Variants in ZNF565 observed in about 807,000 individuals in gnomAD.
ZNF565 encodes the protein zinc finger protein 565.
Under a neutral mutation model 39.4 loss-of-function variants are expected in ZNF565, and 27 were observed. That is an observed-to-expected ratio of 0.69 (90% CI 0.51 to 0.95). The LOEUF (loss-of-function observed/expected upper bound fraction) is 0.95. Among genes scored for constraint, ZNF565 ranks in the 40% least tolerant of loss-of-function variants. The pLI, the probability that ZNF565 is intolerant of heterozygous loss-of-function variation, is 0.00. For synonymous variants in ZNF565, 185 were observed against 216.6 expected (o/e 0.85, Z 1.28); for missense variants, 524 against 621.1 (o/e 0.84, Z 1.66).
rs1429544707 is a variant in ZNF565 at position 36,245,016 on chromosome 19, T to C, written c.55+460A>G. Reference sequence around the variant, plus strand: ...TTTTCATTGTTGTGTTTTGTTTTCTTGAATCCCTACTGTTCAGTGGCTAGG... The same window carrying C: ...TTTTCATTGTTGTGTTTTGTTTTCTCGAATCCCTACTGTTCAGTGGCTAGG... On this transcript the variant is annotated intron_variant, in intron 1 of 4. Transcript: ENST00000355114. The surrounding 1 kb of genome is among the most constrained non-coding windows in gnomAD (Gnocchi z 4.4). 6.6e-6 allele frequency among the ~76,000 whole-genome samples: 1 copy of C among 152,198 alleles called. No homozygotes were observed. The highest frequency in any genetic ancestry group is 1.9e-4 in the East Asian group (1 of 5,198).
At chr19:36,216,867 A>ATCCCAGCACTTCAGGTG (rs143459636), upstream of ZNF565, among the ~76,000 whole-genome samples, 1 of 150,794 alleles carries the variant, frequency 6.6e-6, no homozygotes, top group Non-Finnish European at 1.5e-5. Context: ...CACACCTGTG[A>ATCCCAGCACTTCAGGTG]GCCAAGGCAG....
chr19:36,190,576 C>CA (rs899072480), intron 4 of ZNF565, among the ~76,000 whole-genome samples: 2,314 of 97,262 alleles, frequency 0.024, 66 homozygotes, highest in African/African-American at 0.082. Context: ...AACTCCATCT[C>CA]AAAAAAAAAA....
At chr19:36,235,265 G>A (rs1416358489) in intron 1 of ZNF565, among the ~76,000 whole-genome samples, 1 of 151,122 alleles carries the variant, frequency 6.6e-6, no homozygotes, top group Non-Finnish European at 1.5e-5. Context: ...AGCATCCCAG[G>A]TAGACTTTCT....
intron 1 of ZNF565, among the ~76,000 whole-genome samples, chr19:36,232,336 G>C (rs1977418353): frequency 6.6e-6 from 1 of 151,732 alleles, no homozygotes. Flanking sequence ...CTTGAATTCA[G>C]TTTTCATTAA....
intron 2 of ZNF565, among the ~76,000 whole-genome samples, chr19:36,200,488 T>C (rs1975916686): frequency 6.6e-6 from 1 of 151,576 alleles, no homozygotes; most frequent in Admixed American, 6.6e-5. Flanking sequence ...TAAAAGAAAG[T>C]TGGATTTTTT....
intron 1 of ZNF565, among the ~76,000 whole-genome samples, chr19:36,224,110 G>A (rs543513393): frequency 4.9e-4 from 74 of 152,224 alleles, no homozygotes. Context: ...GGCTGGGCAC[G>A]GTGGCTCACG....
intron 3 of ZNF565, 200 bp downstream of exon 3, chr19:36,194,830 C>A: frequency 1.3e-6 from 1 of 744,664 alleles, no homozygotes. Context: ...TTACCCTCCT[C>A]TCTCCCTCCT....
At chr19:36,214,467 C>T (rs754940356) in intron 1 of ZNF565, 155 bp downstream of exon 1, 2 of 153,220 alleles carry the variant, frequency 1.3e-5, no homozygotes, top group Non-Finnish European at 2.9e-5. Flanking sequence ...TGGAGACAGG[C>T]GGTTACACGT....
rs752903690 is a variant in ZNF565 at position 36,194,275 on chromosome 19, G to A, written c.190C>T (p.Pro64Ser). 3 of 1,612,754 alleles carry A rather than the reference G, an allele frequency of 1.9e-6. No homozygotes were observed. The highest frequency in any genetic ancestry group is 2.5e-6 in the Non-Finnish European group (3 of 1,179,512). Residue 64 changes from proline (P) to serine (S), a missense_variant, in exon 4 of 5, where the codon CCC becomes TCC. By Grantham distance (74) the Pro-to-Ser change is moderately conservative. Coordinates refer to ENST00000304116, the MANE Select transcript of ZNF565 (RefSeq NM_152477.5). ...GTCACATCATTTGCAATCATCCAGG[G>A]CTCTTTCCCTTGCTCCAATAAGGAG... ...VVSLLEQGKEPWMIANDVTGP... is the reference protein window; with the variant it reads ...VVSLLEQGKESWMIANDVTGP...
chr19:36,218,949 C>G (rs2432041), upstream of ZNF565, among the ~76,000 whole-genome samples: 1 of 151,412 alleles, frequency 6.6e-6, no homozygotes, highest in Non-Finnish European at 1.5e-5. Flanking sequence ...GCTGGGACTA[C>G]GGGCGCCCAC....
intron 2 of ZNF565, among the ~76,000 whole-genome samples, chr19:36,196,288 C>G (rs1975758975): frequency 6.6e-6 from 1 of 151,936 alleles, no homozygotes; most frequent in African/African-American, 2.4e-5. Context: ...GTTACCCAGG[C>G]TGGCCTCAAA....
intron 1 of ZNF565, among the ~76,000 whole-genome samples, chr19:36,232,301 C>T (rs1158563020): frequency 6.6e-6 from 1 of 151,188 alleles, no homozygotes; most frequent in Admixed American, 6.6e-5. Flanking sequence ...AAATATTCTA[C>T]TTATGTAGGT....
chr19:36,225,257 T>C (rs1250422905), intron 1 of ZNF565, among the ~76,000 whole-genome samples: 2 of 152,208 alleles, frequency 1.3e-5, no homozygotes, highest in Non-Finnish European at 1.5e-5. Flanking sequence ...AATCTGTTGA[T>C]TGAGGAAACA....
rs10425010 is a variant in ZNF565 at position 36,182,296 on chromosome 19, G to T, written c.*170C>A. 4 of 508,490 alleles carry T rather than the reference G, an allele frequency of 7.9e-6. No homozygotes were observed. In the East Asian group the frequency reaches 1.2e-4, roughly 16 times the overall value. The allele number at this position is 508,490 out of a possible 1,614,324, so 31.5% of individuals were successfully genotyped here. On this transcript the variant is annotated 3_prime_UTR_variant, in exon 5 of 5. Transcript: ENST00000304116. ...TAGGAAACAGTGAGTGAGGCAAAAA[G>T]AATTCCCACATTTATTTAATTTTCT...
At chr19:36,244,680 G>A (rs912920424) in intron 1 of ZNF565, among the ~76,000 whole-genome samples, 2 of 151,906 alleles carry the variant, frequency 1.3e-5, no homozygotes, top group Admixed American at 1.3e-4. Flanking sequence ...GTGAAACCCC[G>A]TCTCTACTAA....
chr19:36,222,630 AT>A (rs148873756), intron 1 of ZNF565, among the ~76,000 whole-genome samples: 38 of 151,470 alleles, frequency 2.5e-4, no homozygotes, highest in Non-Finnish European at 4.0e-4. Context: ...ATGAATGAGA[AT>A]TTTTTTTTAT....
chr19:36,217,534 G>T (rs1332641414), upstream of ZNF565, among the ~76,000 whole-genome samples: 1 of 152,132 alleles, frequency 6.6e-6, no homozygotes, highest in African/African-American at 2.4e-5. Flanking sequence ...ACTTCAAAAT[G>T]TATTGTTAAC....
In ZNF565 at chr19:36,183,403, A is replaced by G. The variant is rs4805162; in HGVS notation, c.563T>C (p.Ile188Thr). Residue 188 changes from isoleucine (I) to threonine (T), a missense_variant, in exon 5 of 5, where the codon ATT becomes ACT. Coordinates refer to ENST00000304116, the MANE Select transcript of ZNF565 (RefSeq NM_152477.5). Reference protein sequence around the residue: ...RGSHLIQHQKIHTGEKPFGCK... With the variant: ...RGSHLIQHQKTHTGEKPFGCK... ...TCCAAAGGGTTTTTCACCAGTGTGA[A>G]TTTTCTGATGTTGAATAAGGTGTGA... 0.54 allele frequency: 871,724 copies of G among 1,613,944 alleles called. 239,703 individuals are homozygous for G. Among genetic ancestry groups the G allele is most frequent in the African/African-American group, 0.8 (60,096 of 75,018 alleles).
chr19:36,238,925 G>A (rs1977746687), intron 1 of ZNF565, among the ~76,000 whole-genome samples: 1 of 152,126 alleles, frequency 6.6e-6, no homozygotes. Context: ...GTTCTCATAG[G>A]AGCGCGAACC....
Sources: allele counts gnomAD v4.1 joint callset (sites outside exome capture counted in the v4.1 genomes callset), GRCh38; gene constraint gnomAD v4.1.1; non-coding constraint Gnocchi (gnomAD v3.1); transcripts MANE v1.5; gene names NCBI Gene and HGNC (gene_info 2026-07-23, HGNC 2026-07-21).